Variants in MYH8 observed in about 807,000 individuals in gnomAD.
The protein encoded by MYH8 is myosin-8.
MYH8 carries 168 observed loss-of-function variants against 233.2 expected under a neutral mutation model. That is an observed-to-expected ratio of 0.72 (90% confidence interval 0.64 to 0.82). MYH8 has a LOEUF of 0.82. MYH8 is among the 40% of genes least tolerant of loss of function. The pLI is 0.00. For missense variants in MYH8, 1,995 were observed against 2,327.8 expected, an observed-to-expected ratio of 0.86 and a Z score of 2.94; for synonymous variants, 785 against 850.6, an observed-to-expected ratio of 0.92 and a Z score of 1.34.
chr17:10,405,833 C>T (rs1256874984), intron 21 of MYH8, among the ~76,000 whole-genome samples: 1 of 152,162 alleles, frequency 6.6e-6, no homozygotes, highest in Non-Finnish European at 1.5e-5. Context: ...ATTCCTGTGG[C>T]TGTATGTGAG....
chr17:10,410,418 A>G (rs757655718), intron 15 of MYH8, among the ~76,000 whole-genome samples: 3 of 152,264 alleles, frequency 2.0e-5, no homozygotes, highest in Non-Finnish European at 4.4e-5. Flanking sequence ...TGTGTGCATT[A>G]ATTTTTATAT....
At chr17:10,401,888 T>C in intron 22 of MYH8, 103 bp from the exon 23 acceptor site, 1 of 1,450,812 alleles carries the variant, frequency 6.9e-7, no homozygotes, top group East Asian at 2.3e-5. Context: ...TCTGTTGAAT[T>C]TTTCAGTATG....
rs753981095 is a variant in MYH8 at position 10,420,130 on chromosome 17, G to A, written c.98C>T (p.Pro33Leu). 4 of 1,614,190 alleles carry A rather than the reference G, an allele frequency of 2.5e-6. No homozygotes were observed. Among genetic ancestry groups the A allele is most frequent in the East Asian group, 2.2e-5 (1 of 44,884 alleles). ...AAAGACAGATGTTTTAGCATCAAAC[G>A]GCTTGTTTTGGGCCTCAATCCGCTC... ...EKERIEAQNK[P>L]FDAKTSVFVA... is the part of the protein sequence containing the mutation. The change falls in exon 3 of 40, where the codon CCG becomes CTG. Residue 33 changes from proline to leucine, a missense_variant. By Grantham distance (98) the Pro-to-Leu change is moderately conservative. This residue lies in a region of MYH8 where 479 missense variants were observed against 600.9 expected (regional missense o/e 0.80). Transcript: ENST00000403437.
At position 10,395,359 on chromosome 17, in the gene MYH8, A is replaced by G; in HGVS notation, c.4736T>C (p.Ile1579Thr). 1.2e-6 allele frequency: 2 copies of G among 1,613,960 alleles called. No homozygotes were observed. The highest frequency in any genetic ancestry group is 1.7e-6 in the Non-Finnish European group (2 of 1,179,994). Residue 1579 changes from isoleucine (I) to threonine (T), a missense_variant, in exon 34 of 40, where the codon ATC becomes ACC. Around this residue, in one of 3 missense-constraint regions of MYH8, gnomAD observed 1,498 missense variants for 1,680.9 expected, o/e 0.89. Coordinates refer to ENST00000403437, the MANE Select transcript of MYH8 (RefSeq NM_002472.3). ...GTCAATTTCCTCATCCTTTTCTGCG[A>G]TTTTTCTATCAACTTCAGACTTGAC... is the stretch of plus-strand genomic sequence containing the variant. Reference protein sequence around the residue: ...NQVKSEVDRKIAEKDEEIDQL... With the variant: ...NQVKSEVDRKTAEKDEEIDQL...
chr17:10,414,042 T>C lies in MYH8; in HGVS notation c.1009-2A>G, dbSNP rs780787592. The C allele has an allele frequency of 6.8e-6, 11 of 1,614,042 alleles. No homozygotes were observed. Among genetic ancestry groups the C allele is most frequent in the Non-Finnish European group, 9.3e-6 (11 of 1,180,014 alleles). Reference sequence around the variant, plus strand: ...GAAGCCCAGGATGTCAATGGCACTCTACCAGGAAAAATGAGAGGACAAAAG... The same window carrying C: ...GAAGCCCAGGATGTCAATGGCACTCCACCAGGAAAAATGAGAGGACAAAAG... On this transcript the variant is annotated splice_acceptor_variant, in intron 11 of 39. Coordinates refer to ENST00000403437, the MANE Select transcript of MYH8 (RefSeq NM_002472.3). LOFTEE classifies it high-confidence loss of function.
At position 10,404,345 on chromosome 17, in the gene MYH8, T is replaced by C; in HGVS notation, c.2673A>G (p.Gln891=). ...VTLLKEKNDL[Q]LQVQSEADSL... is the part of the protein sequence containing the mutation. ...GAGTACTCACAGATTGAACCTGGAGTTGCAGGTCATTTTTCTCTTTTAAGA... is the reference window on the plus strand; with the variant it reads ...GAGTACTCACAGATTGAACCTGGAGCTGCAGGTCATTTTTCTCTTTTAAGA... Residue 891 remains glutamine, a synonymous_variant, in exon 22 of 40, where the codon CAA becomes CAG. Coordinates refer to ENST00000403437, the MANE Select transcript of MYH8 (RefSeq NM_002472.3). The C allele has an allele frequency of 6.2e-7, 1 of 1,613,938 alleles. No individual in the cohort carries two copies. Among genetic ancestry groups the C allele is most frequent in the Non-Finnish European group, 8.5e-7 (1 of 1,179,898 alleles).
chr17:10,392,304 CA>C lies in MYH8; in HGVS notation c.5568+237del, dbSNP rs59406509. Among the ~76,000 whole-genome samples, 19,629 of 152,154 alleles carry C rather than the reference CA, an allele frequency of 0.13. 2,330 individuals carry two copies. The highest frequency in any genetic ancestry group is 0.32 in the African/African-American group (13,068 of 41,468). On this transcript the variant is annotated intron_variant, in intron 38 of 39. Coordinates refer to ENST00000403437, the MANE Select transcript of MYH8 (RefSeq NM_002472.3). ...GAGAGGCCAAACTAGGACTAATACC[CA>C]GTTAATCTGCCTTTAAAATCTGTGT...
intron 5 of MYH8, among the ~76,000 whole-genome samples, chr17:10,418,351 CAAT>C (rs2072305793): frequency 6.6e-6 from 1 of 152,098 alleles, no homozygotes. Context: ...ATATGGAAAA[CAAT>C]AAATATGTTT....
At chr17:10,392,088 T>C (rs1281099339) in intron 38 of MYH8, 111 bp from the exon 39 acceptor site, 7 of 853,870 alleles carry the variant, frequency 8.2e-6, no homozygotes, top group African/African-American at 5.0e-5. Flanking sequence ...GTAAACTTGA[T>C]CAACTCTGAG....
intron 2 of MYH8, 80 bp from the exon 3 acceptor site, chr17:10,420,337 T>G: frequency 7.9e-7 from 1 of 1,261,968 alleles, no homozygotes. Flanking sequence ...ATGAAAGAAA[T>G]GTTGAACATA....
chr17:10,393,835 C>T (rs941239746), intron 35 of MYH8, among the ~76,000 whole-genome samples: 1 of 152,096 alleles, frequency 6.6e-6, no homozygotes, highest in Admixed American at 6.6e-5. Flanking sequence ...GTGAACACAG[C>T]AGTGCTAAAT....
intron 27 of MYH8, 46 bp from the exon 28 acceptor site, chr17:10,399,715 A>G (rs763271886): frequency 1.2e-6 from 2 of 1,611,870 alleles, no homozygotes; most frequent in Non-Finnish European, 8.5e-7. Flanking sequence ...AATGCAATAA[A>G]AAGGTTAAAA....
In MYH8 at chr17:10,401,162, CTTCTT is replaced by C. The variant is rs764191014; in HGVS notation, c.3133_3137del (p.Lys1045AlafsTer15). On this transcript the variant is annotated frameshift_variant, in exon 25 of 40. Coordinates refer to ENST00000403437, the MANE Select transcript of MYH8 (RefSeq NM_002472.3). LOFTEE classifies it high-confidence loss of function. ...TTGCTCTTTCTAGATCCATTCGAAG[CTTCTT>C]TTCTTGTTCCAGAGACCCTTCAAGC... 7 of 1,613,578 alleles carry C rather than the reference CTTCTT, an allele frequency of 4.3e-6. No individual in the cohort carries two copies. The African/African-American group carries it at 8.0e-5, about 18-fold the overall frequency.
At position 10,409,295 on chromosome 17, in the gene MYH8, A is replaced by T. The variant is rs183183083; in HGVS notation, c.1881T>A (p.Tyr627Ter). 54 of 1,614,260 alleles carry T rather than the reference A, an allele frequency of 3.3e-5. No individual in the cohort carries two copies. In the South Asian group the frequency reaches 4.6e-4, roughly 14 times the overall value. Residue 627 changes from tyrosine to a stop codon, truncating the protein, a stop_gained, in exon 16 of 40, where the codon TAT becomes TAA. Transcript: ENST00000403437. LOFTEE classifies it high-confidence loss of function. ...AGAAAGTACCTGCTTCAGCACTAGC[A>T]TACGTGGAAAAGAGACTGGCTAGAG... ...MKTLASLFSTYASAEADSSAK... is the reference protein window; with the variant it reads ...MKTLASLFST
At position 10,404,371 on chromosome 17, in the gene MYH8, G is replaced by T. The variant is rs2072169476; in HGVS notation, c.2647C>A (p.Leu883Ile). 1.2e-6 allele frequency: 2 copies of T among 1,613,858 alleles called. No homozygotes were observed. The highest frequency in any genetic ancestry group is 1.6e-4 in the Middle Eastern group (1 of 6,084). Residue 883 changes from leucine to isoleucine, a missense_variant, in exon 22 of 40, where the codon CTC (leucine) becomes ATC (isoleucine). Leu to Ile is a conservative substitution (Grantham distance 5). This residue lies in a region of MYH8 where 1,498 missense variants were observed against 1,680.9 expected (regional missense o/e 0.89). Coordinates refer to ENST00000403437, the MANE Select transcript of MYH8 (RefSeq NM_002472.3). ...RKELEEKMVT[L>I]LKEKNDLQLQ... ...TGCAGGTCATTTTTCTCTTTTAAGA[G>T]AGTGACCATTTTTTCCTCTAGCTCC...
At chr17:10,420,400 G>A (rs1481700803) in intron 2 of MYH8, 143 bp from the exon 3 acceptor site, 4 of 750,332 alleles carry the variant, frequency 5.3e-6, no homozygotes, top group Middle Eastern at 7.3e-4. Context: ...TTCTAACATA[G>A]TCTAAAGGAC....
rs563120067 is a variant in MYH8, at chr17:10,399,017, T to C, written c.3863-131A>G. 33 of 283,196 alleles carry C rather than the reference T, an allele frequency of 1.2e-4. 1 individual carries two copies. Among genetic ancestry groups the C allele is most frequent in the East Asian group, 6.7e-4 (10 of 15,030 alleles). The allele number at this position is 283,196 out of a possible 1,614,324, so 17.5% of individuals were successfully genotyped here. A position where few individuals can be genotyped will look rare whatever the true frequency, so the allele number is the denominator to read the frequency against. ...GTGTATATATATATATATATATATA[T>C]ACAAGTTGTATATACCTTACCTGAA... On this transcript the variant is annotated intron_variant, in intron 28 of 39. Transcript: ENST00000403437.
In MYH8 at chr17:10,391,903, G is replaced by A. The variant is rs367910491; in HGVS notation, c.5643C>T (p.Tyr1881=). Residue 1881 remains tyrosine, a synonymous_variant, in exon 39 of 40, where the codon TAC becomes TAT. Transcript: ENST00000403437. ...VDKLQAKVKS[Y]KRQAEEAEEQ... ...TTACAGCCTCCTCAGCTTGTCTCTTGTATGATTTCACCTTCGCCTGTAATT... is the reference window on the plus strand; with the variant it reads ...TTACAGCCTCCTCAGCTTGTCTCTTATATGATTTCACCTTCGCCTGTAATT... 1 of 1,613,798 alleles carries A rather than the reference G, an allele frequency of 6.2e-7. No homozygotes were observed. Among genetic ancestry groups the A allele is most frequent in the Non-Finnish European group, 8.5e-7 (1 of 1,179,860 alleles).
At chr17:10,398,336 C>T (rs904993178) in intron 30 of MYH8, 108 bp downstream of exon 30, 4 of 1,502,010 alleles carry the variant, frequency 2.7e-6, no homozygotes, top group South Asian at 1.1e-5. Context: ...TAATACTTGA[C>T]ACAGTATGCA....
Sources: allele counts gnomAD v4.1 joint callset (sites outside exome capture counted in the v4.1 genomes callset), GRCh38; gene constraint gnomAD v4.1.1; regional missense constraint gnomAD v4.1.1; transcripts MANE v1.5; gene names NCBI Gene and HGNC (gene_info 2026-07-23, HGNC 2026-07-21).